TG: variants seen among roughly 807,000 people sequenced by gnomAD.
The protein encoded by TG is thyroid hormones.
A neutral mutation model predicts 324.7 loss-of-function variants in TG; 270 were observed. The observed-to-expected ratio is 0.83, with a 90% CI of 0.75 to 0.92. The LOEUF (loss-of-function observed/expected upper bound fraction) is 0.92, where lower values mean the gene tolerates loss of function less well. TG is among the 40% of genes least tolerant of loss of function. The pLI is 0.00. For synonymous variants in TG, 1,401 were observed against 1,327.0 expected (o/e 1.06, Z -1.21); for missense variants, 3,591 against 3,456.4 (o/e 1.04, Z -0.98).
At chr8:133,020,714 C>T (rs1269468631) in intron 39 of TG, among the ~76,000 whole-genome samples, 6 of 152,182 alleles carry the variant, frequency 3.9e-5, no homozygotes, top group Non-Finnish European at 8.8e-5. Flanking sequence ...AAAGGCATTT[C>T]AATGAGTGAC....
Position 132,911,390 on chromosome 8 carries a change from G to C in TG, c.4016G>C (p.Gly1339Ala). The change falls in exon 19 of 48, where the codon GGC (glycine) becomes GCC (alanine). Residue 1339 changes from glycine (G) to alanine (A), a missense_variant. Physicochemically the swap from Gly to Ala is moderately conservative, Grantham distance 60. Coordinates refer to ENST00000220616, the MANE Select transcript of TG (RefSeq NM_003235.5). The part of the protein sequence containing the change: ...GFCQIQVKTF[G>A]TLVSIPVCNN... The stretch of plus-strand genomic sequence containing the variant: ...GTCTTCTTGTAGGTGAAGACTTTTG[G>C]CACCCTGGTTTCCATTCCTGTCTGC... 6.2e-7 allele frequency: 1 copy of C among 1,614,148 alleles called. No individual in the cohort carries two copies.
At chr8:133,048,508 A>G (rs1014885826) in intron 41 of TG, 2 of 155,498 alleles carry the variant, frequency 1.3e-5, no homozygotes, top group African/African-American at 4.8e-5. Context: ...GGCGTGAGCT[A>G]CCGTGCTCAG....
rs183947809 is a variant in TG at position 132,899,756 on chromosome 8, C to T, written c.3331-481C>T. Among the ~76,000 whole-genome samples the T allele has an allele frequency of 9.2e-5, 14 of 152,252 alleles. No individual in the cohort carries two copies. In the East Asian group the frequency reaches 1.9e-3, roughly 21 times the overall value. On this transcript the variant is annotated intron_variant, in intron 14 of 47. Transcript: ENST00000220616. ...AAGGAGAGGTAGAAGCCACAATGTCCGATGGTGGGAGAAGGGATTACAGAG... is the reference window on the plus strand; with the variant it reads ...AAGGAGAGGTAGAAGCCACAATGTCTGATGGTGGGAGAAGGGATTACAGAG...
At chr8:133,107,818 T>TG (rs1489283801) in intron 43 of TG, among the ~76,000 whole-genome samples, 1 of 152,146 alleles carries the variant, frequency 6.6e-6, no homozygotes. Flanking sequence ...TACCTGGCTG[T>TG]GAAGGTGTTC....
chr8:132,908,186 G>T lies in TG; in HGVS notation c.3848G>T (p.Arg1283Leu), dbSNP rs1161951686. 74 of 1,613,728 alleles carry T rather than the reference G, an allele frequency of 4.6e-5. No individual in the cohort carries two copies. The highest frequency in any genetic ancestry group is 5.8e-5 in the Non-Finnish European group (69 of 1,180,002). Residue 1283 changes from arginine (R) to leucine (L), a missense_variant and splice_region_variant, in exon 18 of 48, where the codon CGG becomes CTG. Coordinates refer to ENST00000220616, the MANE Select transcript of TG (RefSeq NM_003235.5). ...GCTGATCTCTGGTGCTTGCCTGCAG[G>T]GCCCCAGCTGTGGCAGACCATCCAG... is the stretch of plus-strand genomic sequence containing the variant. Reference protein sequence around the residue: ...SQLPQPRACQRPQLWQTIQTQ... With the variant: ...SQLPQPRACQLPQLWQTIQTQ...
rs140945750 is a variant in TG, at chr8:132,893,763, T to A, written c.2835T>A (p.Ala945=). The A allele has an allele frequency of 6.2e-6, 10 of 1,613,970 alleles. No individual in the cohort carries two copies. The African/African-American group carries it at 1.3e-4, about 22-fold the overall frequency. Residue 945 remains alanine, a synonymous_variant, in exon 11 of 48, where the codon GCT becomes GCA. Transcript: ENST00000220616. ...FIRETEEIVS[A]SNSSRFPLGE... ...GGGAAACGGAAGAGATTGTTTCAGC[T>A]TCCAACAGTTCTCGGTTCCCTCTGG...
At chr8:132,974,430 T>C (rs1038741717) in intron 34 of TG, among the ~76,000 whole-genome samples, 2 of 152,254 alleles carry the variant, frequency 1.3e-5, no homozygotes, top group Non-Finnish European at 2.9e-5. Flanking sequence ...ATAATACTCC[T>C]GCAGAGTAGG....
chr8:133,024,319 T>C (rs901187823), intron 40 of TG, among the ~76,000 whole-genome samples: 1 of 39,056 alleles, frequency 2.6e-5, no homozygotes, highest in Non-Finnish European at 5.6e-5. Context: ...TCTTTCTTTC[T>C]TTCTTTCTTT....
At chr8:132,926,904 A>G (rs1376533281) in intron 22 of TG, among the ~76,000 whole-genome samples, 2 of 151,952 alleles carry the variant, frequency 1.3e-5, no homozygotes, top group Non-Finnish European at 2.9e-5. Flanking sequence ...CTCTCTCTGA[A>G]ATCTCTCCTG....
intron 5 of TG, among the ~76,000 whole-genome samples, chr8:132,880,921 T>C (rs1814562477): frequency 1.3e-5 from 2 of 152,230 alleles, no homozygotes; most frequent in Admixed American, 6.5e-5. Flanking sequence ...ATTAAGGTTC[T>C]TTTCAATATT....
intron 23 of TG, among the ~76,000 whole-genome samples, chr8:132,929,498 G>A (rs865774106): frequency 2.0e-5 from 3 of 152,142 alleles, no homozygotes; most frequent in African/African-American, 7.2e-5. Flanking sequence ...TAACAGTGGG[G>A]CCAGAGAGGT....
intron 2 of TG, 102 bp downstream of exon 2, chr8:132,868,325 T>C: frequency 9.3e-7 from 1 of 1,076,146 alleles, no homozygotes; most frequent in Non-Finnish European, 1.4e-6. Context: ...AACTCCTTTG[T>C]GCATGTGAGG....
intron 41 of TG, among the ~76,000 whole-genome samples, chr8:133,093,249 A>C (rs1248232477): frequency 6.6e-6 from 1 of 152,076 alleles, no homozygotes; most frequent in Non-Finnish European, 1.5e-5. Context: ...AGGCTAAATC[A>C]TATTGACGCT....
chr8:132,967,949 A>G lies in TG; in HGVS notation c.5842A>G (p.Lys1948Glu). 1 of 1,613,790 alleles carries G rather than the reference A, an allele frequency of 6.2e-7. No individual in the cohort carries two copies. Among genetic ancestry groups the G allele is most frequent in the Non-Finnish European group, 8.5e-7 (1 of 1,179,852 alleles). The change falls in exon 31 of 48, where the codon AAG becomes GAG. Residue 1948 changes from lysine (K) to glutamate (E), a missense_variant. Coordinates refer to ENST00000220616, the MANE Select transcript of TG (RefSeq NM_003235.5). ...GCRLILPQMP[K>E]ALFRKKVILE... is the part of the protein sequence containing the mutation. Reference sequence around the variant, plus strand: ...CAGACTGATCCTGCCTCAGATGCCAAAGGCCCTGTTCCGGAAGAAAGGTGA... The same window carrying G: ...CAGACTGATCCTGCCTCAGATGCCAGAGGCCCTGTTCCGGAAGAAAGGTGA...
rs372522726 is a variant in TG, at chr8:132,919,357, T to C, written c.4379-19T>C. The C allele has an allele frequency of 1.6e-5, 25 of 1,612,512 alleles. No homozygotes were observed. The highest frequency in any genetic ancestry group is 2.0e-5 in the Non-Finnish European group (23 of 1,179,214). On this transcript the variant is annotated intron_variant, in intron 20 of 47. Transcript: ENST00000220616. ...GCATGTGTCTTGATTTTTAACATCA[T>C]TTCTCTGTTTTTTTCTAGTTAAGTG...
chr8:132,943,621 T>C (rs551859431), intron 26 of TG, among the ~76,000 whole-genome samples: 1 of 152,120 alleles, frequency 6.6e-6, no homozygotes, highest in Admixed American at 6.5e-5. Context: ...CTTCTTAAAA[T>C]CCAACATGTG....
chr8:133,037,691 C>T (rs1837344362), intron 41 of TG: 1 of 151,760 alleles, frequency 6.6e-6, no homozygotes, highest in African/African-American at 2.4e-5. Flanking sequence ...AATGCAATGC[C>T]TATTCGGGCA....
At chr8:132,988,103 C>T (rs911921999) in intron 35 of TG, among the ~76,000 whole-genome samples, 7 of 146,912 alleles carry the variant, frequency 4.8e-5, no homozygotes, top group Non-Finnish European at 9.0e-5. Context: ...CACACACACA[C>T]GAAATGAAGC....
chr8:133,115,889 A>G (rs1034609596), intron 44 of TG, among the ~76,000 whole-genome samples: 3 of 152,218 alleles, frequency 2.0e-5, no homozygotes, highest in African/African-American at 7.2e-5. Context: ...CAGAGCAAAT[A>G]TATAACTTAG....
Sources: allele counts gnomAD v4.1 joint callset (sites outside exome capture counted in the v4.1 genomes callset), GRCh38; gene constraint gnomAD v4.1.1; transcripts MANE v1.5; gene names NCBI Gene and HGNC (gene_info 2026-07-23, HGNC 2026-07-21).